Variants in ALG14 observed in about 807,000 individuals in gnomAD.
ALG14 encodes the protein ALG14 UDP-N-acetylglucosaminyltransferase subunit.
Under a neutral mutation model 22.8 loss-of-function variants are expected in ALG14, and 17 were observed. The observed-to-expected ratio is 0.75, with a 90% CI of 0.51 to 1.12. The LOEUF is 1.12. Ranked by LOEUF, ALG14 falls within the 50% of genes most tolerant of loss-of-function variation. ALG14 has a pLI of 0.00. For synonymous variants in ALG14, 89 were observed against 103.7 expected (o/e 0.86, Z 0.86); for missense variants, 288 against 271.8 (o/e 1.06, Z -0.42).
At chr1:95,037,432 T>C (rs1009856202) in intron 2 of ALG14, among the ~76,000 whole-genome samples, 1 of 152,156 alleles carries the variant, frequency 6.6e-6, no homozygotes, top group Admixed American at 6.5e-5. Flanking sequence ...CTCTTCTTCC[T>C]CATGAAGAGG....
At chr1:95,044,594 C>T (rs1008765277) in intron 2 of ALG14, among the ~76,000 whole-genome samples, 1 of 152,150 alleles carries the variant, frequency 6.6e-6, no homozygotes, top group Non-Finnish European at 1.5e-5. Context: ...CCATCGCCTT[C>T]AAGGTCCTAA....
At chr1:95,057,229 C>T (rs1389272788) in intron 2 of ALG14, among the ~76,000 whole-genome samples, 1 of 151,046 alleles carries the variant, frequency 6.6e-6, no homozygotes, top group South Asian at 2.1e-4. Context: ...TGTAACCTTC[C>T]AAGAAATATA....
intron 2 of ALG14, among the ~76,000 whole-genome samples, chr1:95,029,959 A>G (rs1673947116): frequency 6.6e-6 from 1 of 152,206 alleles, no homozygotes; most frequent in South Asian, 2.1e-4. Context: ...ACTAATACTG[A>G]GTAGTTCCCA....
At chr1:95,057,231 A>T (rs937359461) in intron 2 of ALG14, among the ~76,000 whole-genome samples, 8 of 151,578 alleles carry the variant, frequency 5.3e-5, no homozygotes, top group African/African-American at 1.9e-4. Context: ...TAACCTTCCA[A>T]GAAATATATA....
chr1:95,011,446 G>A (rs1429808057), intron 3 of ALG14, among the ~76,000 whole-genome samples: 1 of 149,210 alleles, frequency 6.7e-6, no homozygotes, highest in East Asian at 2.0e-4. Context: ...TTTTTTTTGA[G>A]ACAGAGTCTC....
intron 2 of ALG14, among the ~76,000 whole-genome samples, chr1:95,063,693 T>C (rs1159188200): frequency 6.6e-6 from 1 of 152,218 alleles, no homozygotes; most frequent in East Asian, 1.9e-4. Context: ...AGCCTTGTAG[T>C]ATAGTTTGAA....
intron 2 of ALG14, among the ~76,000 whole-genome samples, chr1:95,058,760 T>C (rs991613890): frequency 6.7e-6 from 1 of 150,320 alleles, no homozygotes; most frequent in Non-Finnish European, 1.5e-5. Flanking sequence ...GAAGAAGACA[T>C]GGTATACAAG....
At chr1:95,060,129 A>AACAC (rs60558070) in intron 2 of ALG14, among the ~76,000 whole-genome samples, 7 of 143,050 alleles carry the variant, frequency 4.9e-5, no homozygotes, top group South Asian at 2.3e-4. Context: ...TACACACACA[A>AACAC]ACACACACAC....
In ALG14 at chr1:95,059,562, A is replaced by G. The variant is rs1363043842; in HGVS notation, c.288+5304T>C. On this transcript the variant is annotated intron_variant, in intron 2 of 3. Coordinates refer to ENST00000370205, the MANE Select transcript of ALG14 (RefSeq NM_144988.4). The stretch of plus-strand genomic sequence containing the variant: ...TAAAAAGTTATTTTGTTTCTATGTT[A>G]ACTTTTGGGAGGGGCCCTTTGTTTT... 4.6e-5 allele frequency among the ~76,000 whole-genome samples: 7 copies of G among 151,722 alleles called. 1 individual carries two copies. In the East Asian group the frequency reaches 1.4e-3, roughly 30 times the overall value.
chr1:94,984,686 C>T (rs1007646353), intron 3 of ALG14, among the ~76,000 whole-genome samples: 2 of 152,130 alleles, frequency 1.3e-5, no homozygotes, highest in East Asian at 1.9e-4. Flanking sequence ...TTAAGTTGCC[C>T]CTATAACCCT....
intron 2 of ALG14, among the ~76,000 whole-genome samples, chr1:95,029,102 G>C (rs1673915397): frequency 6.6e-6 from 1 of 152,180 alleles, no homozygotes; most frequent in Non-Finnish European, 1.5e-5. Context: ...GAGTGGCTTA[G>C]TGGCTTGCAG....
chr1:95,039,499 T>A (rs1263927531), intron 2 of ALG14, among the ~76,000 whole-genome samples: 3 of 152,058 alleles, frequency 2.0e-5, no homozygotes. Context: ...ACTCTCAGGT[T>A]TTTACCTAGG....
At chr1:95,028,157 GT>G (rs986511832) in intron 2 of ALG14, among the ~76,000 whole-genome samples, 3 of 151,156 alleles carry the variant, frequency 2.0e-5, no homozygotes, top group South Asian at 4.2e-4. Context: ...TGTTAGTTTG[GT>G]TTTTTTTTGA....
At chr1:94,989,669 GA>G (rs1325096712) in intron 3 of ALG14, among the ~76,000 whole-genome samples, 1 of 152,220 alleles carries the variant, frequency 6.6e-6, no homozygotes, top group African/African-American at 2.4e-5. Context: ...AGCATCTCCT[GA>G]AACCAGCTCT....
intron 3 of ALG14, among the ~76,000 whole-genome samples, chr1:94,984,922 T>C (rs1337063401): frequency 1.3e-5 from 2 of 152,160 alleles, no homozygotes; most frequent in Admixed American, 1.3e-4. Flanking sequence ...CAATCATAAT[T>C]TGAGACAAGT....
At chr1:94,994,409 G>C (rs1672858662) in intron 3 of ALG14, among the ~76,000 whole-genome samples, 1 of 152,168 alleles carries the variant, frequency 6.6e-6, no homozygotes. Flanking sequence ...GAATAATTTA[G>C]GTCAATCCCT....
At chr1:95,000,182 TA>T (rs1374593474) in intron 3 of ALG14, among the ~76,000 whole-genome samples, 3 of 152,188 alleles carry the variant, frequency 2.0e-5, no homozygotes, top group Non-Finnish European at 4.4e-5. Context: ...TCTACGGTAA[TA>T]GAGAAGCTGC....
At chr1:94,987,145 G>A (rs748720367) in intron 3 of ALG14, among the ~76,000 whole-genome samples, 1 of 152,146 alleles carries the variant, frequency 6.6e-6, no homozygotes, top group Non-Finnish European at 1.5e-5. Flanking sequence ...GAGCAGAGCC[G>A]AGAGATGAAG....
chr1:95,060,672 C>A (rs1675114405), intron 2 of ALG14, among the ~76,000 whole-genome samples: 1 of 151,778 alleles, frequency 6.6e-6, no homozygotes, highest in Non-Finnish European at 1.5e-5. Context: ...GCTGAGATCA[C>A]ACGACTGCAC....
Sources: allele counts gnomAD v4.1 joint callset (sites outside exome capture counted in the v4.1 genomes callset), GRCh38; gene constraint gnomAD v4.1.1; transcripts MANE v1.5; gene names NCBI Gene and HGNC (gene_info 2026-07-23, HGNC 2026-07-21).